PRR16: variants seen among roughly 807,000 people sequenced by gnomAD.
The protein encoded by PRR16 is protein Largen.
Under a neutral mutation model 18.2 loss-of-function variants are expected in PRR16, and 6 were observed. The ratio of observed to expected loss-of-function variants is 0.33; its 90% CI spans 0.18 to 0.65. The LOEUF (loss-of-function observed/expected upper bound fraction) is 0.65. PRR16 is among the 30% of genes least tolerant of loss of function. The pLI, the probability that PRR16 is intolerant of heterozygous loss-of-function variation, is 0.74. For synonymous variants in PRR16, 151 were observed against 147.8 expected (o/e 1.02, Z -0.16); for missense variants, 412 against 376.6 (o/e 1.09, Z -0.78).
chr5:120,788,154 T>G, the PRR16 span, among the ~76,000 whole-genome samples: 60,746 of 151,726 alleles, frequency 0.4, 12,467 homozygotes, highest in African/African-American at 0.48. Context: ...ATATATTGTG[T>G]CACCAATTTT....
At chr5:120,765,408 G>A in the PRR16 span, among the ~76,000 whole-genome samples, 1 of 151,952 alleles carries the variant, frequency 6.6e-6, no homozygotes, top group Non-Finnish European at 1.5e-5. Flanking sequence ...AAGCTGTTTA[G>A]AATAAATCAG....
At chr5:120,741,634 C>T in the PRR16 span, among the ~76,000 whole-genome samples, 1 of 152,120 alleles carries the variant, frequency 6.6e-6, no homozygotes, top group Non-Finnish European at 1.5e-5. Flanking sequence ...CAGTATCTCG[C>T]TCTGTTGCCC....
intron 1 of PRR16, among the ~76,000 whole-genome samples, chr5:120,581,121 G>A (rs893298708): frequency 6.6e-6 from 1 of 152,078 alleles, no homozygotes; most frequent in African/African-American, 2.4e-5. Flanking sequence ...TGTATTTCTG[G>A]TAGAATTCAC....
intron 1 of PRR16, among the ~76,000 whole-genome samples, chr5:120,533,653 T>C (rs1751622641): frequency 6.6e-6 from 1 of 152,240 alleles, no homozygotes; most frequent in East Asian, 1.9e-4. Context: ...GCGTGCCTGG[T>C]ATATTCAAGG....
At chr5:120,505,932 G>T (rs959546251) in intron 1 of PRR16, among the ~76,000 whole-genome samples, 3 of 139,218 alleles carry the variant, frequency 2.2e-5, no homozygotes, top group African/African-American at 7.9e-5. Context: ...ATATATGTGT[G>T]TATGTGTGTG....
chr5:120,542,170 A>G (rs1751937078), intron 1 of PRR16, among the ~76,000 whole-genome samples: 1 of 152,130 alleles, frequency 6.6e-6, no homozygotes, highest in African/African-American at 2.4e-5. Context: ...TAGTGCCTCG[A>G]GTCAGCTTGT....
At chr5:120,485,166 T>G (rs954056771) in intron 1 of PRR16, among the ~76,000 whole-genome samples, 21 of 152,122 alleles carry the variant, frequency 1.4e-4, no homozygotes, top group African/African-American at 5.1e-4. Context: ...TAATGAAATA[T>G]TAATTAACTT....
At chr5:120,563,044 A>G (rs1042760374) in intron 1 of PRR16, among the ~76,000 whole-genome samples, 2 of 151,898 alleles carry the variant, frequency 1.3e-5, no homozygotes, top group Non-Finnish European at 2.9e-5. Context: ...TCCCTTTATC[A>G]TTTCTTATAG....
At chr5:120,650,252 A>G (rs1401617763) in intron 1 of PRR16, among the ~76,000 whole-genome samples, 1 of 151,614 alleles carries the variant, frequency 6.6e-6, no homozygotes, top group Non-Finnish European at 1.5e-5. Context: ...AATCTGAAAC[A>G]TGCAAAAAGA....
chr5:120,563,519 C>G (rs539753949), intron 1 of PRR16, among the ~76,000 whole-genome samples: 1 of 152,308 alleles, frequency 6.6e-6, no homozygotes, highest in South Asian at 2.1e-4. Flanking sequence ...GTGGCCACCA[C>G]CACCAACAGC....
At chr5:120,785,652 A>T in the PRR16 span, among the ~76,000 whole-genome samples, 1 of 143,184 alleles carries the variant, frequency 7.0e-6, no homozygotes, top group African/African-American at 2.6e-5. Context: ...AGCTCACTGC[A>T]ACCTCCTCCT....
intron 1 of PRR16, among the ~76,000 whole-genome samples, chr5:120,579,288 G>A (rs1450350489): frequency 6.6e-6 from 1 of 152,118 alleles, no homozygotes; most frequent in Non-Finnish European, 1.5e-5. Context: ...GGCTTTTGCT[G>A]CAGTTGTTTT....
intron 1 of PRR16, among the ~76,000 whole-genome samples, chr5:120,592,811 G>A (rs1374635617): frequency 6.6e-6 from 1 of 152,034 alleles, no homozygotes. Flanking sequence ...CCCATGTAAT[G>A]TTCCAAAATG....
chr5:120,709,247 T>A, the PRR16 span, among the ~76,000 whole-genome samples: 1 of 152,040 alleles, frequency 6.6e-6, no homozygotes, highest in Admixed American at 6.6e-5. Context: ...GACCTCGTGA[T>A]CTGCCCGCCT....
chr5:120,536,469 T>C (rs938008768), intron 1 of PRR16, among the ~76,000 whole-genome samples: 2 of 152,218 alleles, frequency 1.3e-5, no homozygotes, highest in Admixed American at 6.5e-5. Context: ...ACTATCTAGT[T>C]CAAAGACTCC....
intron 1 of PRR16, among the ~76,000 whole-genome samples, chr5:120,646,030 C>CCA (rs967999924): frequency 8.1e-5 from 7 of 86,500 alleles, no homozygotes; most frequent in African/African-American, 2.8e-4. Flanking sequence ...GCTCAAATTA[C>CCA]AAAAAAAAAT....
the PRR16 span, among the ~76,000 whole-genome samples, chr5:120,774,755 A>G: frequency 6.6e-6 from 1 of 152,184 alleles, no homozygotes; most frequent in Admixed American, 6.5e-5. Flanking sequence ...CTCTAAACCA[A>G]GGGATCTTAA....
At chr5:120,591,220 A>C (rs1700591672) in intron 1 of PRR16, among the ~76,000 whole-genome samples, 1 of 152,058 alleles carries the variant, frequency 6.6e-6, no homozygotes, top group Admixed American at 6.6e-5. Context: ...TGGAGGTTGC[A>C]GTGAGCCGAG....
At chr5:120,513,762 CT>C (rs1294799034) in intron 1 of PRR16, among the ~76,000 whole-genome samples, 298 of 141,898 alleles carry the variant, frequency 2.1e-3, no homozygotes, top group Middle Eastern at 3.7e-3. Flanking sequence ...CATCTGTTTT[CT>C]TTTTTTTTTT....
Sources: gnomAD v4.1 joint callset for allele counts (sites outside exome capture counted in the v4.1 genomes callset) on GRCh38, gnomAD v4.1.1 for gene constraint, MANE v1.5 for transcripts, NCBI Gene and HGNC (gene_info 2026-07-23, HGNC 2026-07-21) for gene names.